Variants in PRH1 observed in about 807,000 individuals in gnomAD.
PRH1 encodes the protein salivary acidic proline-rich phosphoprotein 1/2.
Under a neutral mutation model 7.9 loss-of-function variants are expected in PRH1, and 7 were observed. The ratio of observed to expected loss-of-function variants is 0.89; its 90% confidence interval spans 0.50 to 1.67. PRH1 has a LOEUF of 1.67. Ranked by LOEUF, PRH1 falls within the 40% of genes most tolerant of loss-of-function variation. The pLI is 0.00. For missense variants in PRH1, 109 were observed against 223.6 expected (o/e 0.49, Z 3.27); for synonymous variants, 45 against 80.8 (o/e 0.56, Z 2.38).
intron 2 of PRH1, among the ~76,000 whole-genome samples, chr12:10,919,864 G>A (rs577992599): frequency 2.0e-3 from 300 of 149,934 alleles, no homozygotes; most frequent in African/African-American, 7.2e-3. Flanking sequence ...TTTGAGACAC[G>A]GTCTTGCTCT....
chr12:11,074,582 GTGCA>G (rs1365301992), intron 1 of PRH1, among the ~76,000 whole-genome samples: 2 of 91,762 alleles, frequency 2.2e-5, no homozygotes, highest in East Asian at 5.3e-4. Context: ...AAACAGTTTT[GTGCA>G]TTTCTAAAAA....
At chr12:10,944,336 G>T (rs1950451458) in intron 2 of PRH1, among the ~76,000 whole-genome samples, 1 of 151,924 alleles carries the variant, frequency 6.6e-6, no homozygotes, top group Non-Finnish European at 1.5e-5. Flanking sequence ...TGTGTGTGTG[G>T]CAATTGTGAA....
chr12:10,907,089 A>G (rs574010738), intron 2 of PRH1, among the ~76,000 whole-genome samples: 1 of 152,300 alleles, frequency 6.6e-6, no homozygotes, highest in Admixed American at 6.5e-5. Context: ...AAAACAGAGT[A>G]CCTACCAACT....
At chr12:11,019,858 C>T (rs1181007080) in intron 1 of PRH1, among the ~76,000 whole-genome samples, 1 of 152,288 alleles carries the variant, frequency 6.6e-6, no homozygotes, top group African/African-American at 2.4e-5. Flanking sequence ...GGGAAGTTCC[C>T]TAACATTCTT....
At chr12:10,932,477 C>A in intron 2 of PRH1, 1 of 181,022 alleles carries the variant, frequency 5.5e-6, no homozygotes, top group Non-Finnish European at 1.2e-5. Context: ...GGAAGGAGTT[C>A]CACTGTTTCT....
rs570687368 is a variant in PRH1, at chr12:10,909,752, GC to G, written c.-58-25478del. On this transcript the variant is annotated intron_variant, in intron 2 of 3. Coordinates refer to the PRH1 transcript ENST00000539853. ...TTCATAGAATATGTAGCTAAATGAA[GC>G]TTTTATGGCTAATAGCATAGCCAAT... Among the ~76,000 whole-genome samples the G allele has an allele frequency of 6.6e-5, 10 of 152,284 alleles. No individual in the cohort carries two copies. The South Asian group carries it at 1.7e-3, about 25-fold the overall frequency.
At chr12:11,048,639 G>A (rs1591888267), upstream of PRH1, 3 of 605,878 alleles carry the variant, frequency 5.0e-6, no homozygotes, top group East Asian at 1.1e-4. Context: ...GCATCTTCTT[G>A]ACATGTTTAC....
At chr12:11,139,764 G>C (rs888986059) in intron 1 of PRH1, among the ~76,000 whole-genome samples, 7 of 152,100 alleles carry the variant, frequency 4.6e-5, no homozygotes, top group Non-Finnish European at 1.0e-4. Context: ...TATGTATTCG[G>C]ATAAGAGTGT....
upstream of PRH1, among the ~76,000 whole-genome samples, chr12:10,887,227 T>C (rs1383733368): frequency 6.6e-6 from 1 of 152,198 alleles, no homozygotes; most frequent in African/African-American, 2.4e-5. Flanking sequence ...CCAGGAAAGA[T>C]GAACATTGAC....
In PRH1 at chr12:10,956,601, T is replaced by A. The variant is rs1937975152; in HGVS notation, c.-59+17054A>T. Among the ~76,000 whole-genome samples the A allele has an allele frequency of 2.0e-5, 3 of 152,060 alleles. No individual in the cohort carries two copies. The South Asian group carries it at 6.2e-4, about 31-fold the overall frequency. Reference sequence around the variant, plus strand: ...CAGGAAGAGAAATAAATAAAAGGCATCCCAATAGAAGAGAAGAAGTCAAAT... The same window carrying A: ...CAGGAAGAGAAATAAATAAAAGGCAACCCAATAGAAGAGAAGAAGTCAAAT... On this transcript the variant is annotated intron_variant, in intron 2 of 3. Coordinates refer to the PRH1 transcript ENST00000539853.
intron 2 of PRH1, chr12:10,909,387 GTTC>G (rs1396846634): frequency 1.4e-5 from 12 of 877,604 alleles, no homozygotes; most frequent in African/African-American, 6.8e-5. Flanking sequence ...GTCCAGTGGA[GTTC>G]TTCTTCCTTC....
chr12:11,110,815 A>T (rs1168622423), intron 1 of PRH1, among the ~76,000 whole-genome samples: 1 of 152,194 alleles, frequency 6.6e-6, no homozygotes, highest in Non-Finnish European at 1.5e-5. Flanking sequence ...TATTAACCTT[A>T]AATGTAAATG....
Position 11,066,767 on chromosome 12 carries a change from A to G in PRH1, n.124-19579T>C, listed in dbSNP as rs189332808. Among the ~76,000 whole-genome samples, 1,390 of 151,682 alleles carry G rather than the reference A, an allele frequency of 9.2e-3. 13 individuals are homozygous for G. The highest frequency in any genetic ancestry group is 0.014 in the Non-Finnish European group (927 of 67,800). ...TGAGAGAACCCTACTATTCTTCCTC[A>G]TGGCCTCATGTTTCTTCTATGATTC... On this transcript the variant is annotated intron_variant and non_coding_transcript_variant, in intron 1 of 4. Coordinates refer to the PRH1 transcript ENST00000541977.
At chr12:11,164,171 G>A (rs1421860528) in intron 1 of PRH1, among the ~76,000 whole-genome samples, 4 of 152,184 alleles carry the variant, frequency 2.6e-5, no homozygotes, top group African/African-American at 7.2e-5. Flanking sequence ...GTTTCTAGAA[G>A]AGATGAGCAT....
At chr12:10,998,726 C>T (rs1307092540) in intron 1 of PRH1, among the ~76,000 whole-genome samples, 1 of 152,076 alleles carries the variant, frequency 6.6e-6, no homozygotes, top group East Asian at 1.9e-4. Flanking sequence ...GGTAATGCTA[C>T]CTGCAAGCTT....
At chr12:11,125,521 C>CCTTAACAAAATTATCTTTCTA (rs1229468104) in intron 1 of PRH1, among the ~76,000 whole-genome samples, 1 of 152,256 alleles carries the variant, frequency 6.6e-6, no homozygotes, top group Non-Finnish European at 1.5e-5. Flanking sequence ...ATGTTTTATG[C>CCTTAACAAAATTATCTTTCTA]CTTAACAAAA....
exon 1 of PRH1, chr12:11,047,154 G>C (rs1942932561): frequency 2.3e-6 from 1 of 434,068 alleles, no homozygotes; most frequent in African/African-American, 2.0e-5. Context: ...CTTGTCACAT[G>C]TGCCCTTGGG....
In PRH1 at chr12:11,030,647, G is replaced by A. The variant is rs1942150453; in HGVS notation, c.-126+16373C>T. ...ACATAACAAGAGGAAAAAGATCACA[G>A]TTTGCAAAGCTTTTATGTGGACCTT... On this transcript the variant is annotated intron_variant, in intron 1 of 3. Coordinates refer to the PRH1 transcript ENST00000539853. 6.2e-7 allele frequency: 1 copy of A among 1,614,100 alleles called. No homozygotes were observed. The highest frequency in any genetic ancestry group is 1.3e-5 in the African/African-American group (1 of 74,934).
At chr12:10,888,798 G>A (rs1156845391), upstream of PRH1, among the ~76,000 whole-genome samples, 2 of 152,122 alleles carry the variant, frequency 1.3e-5, no homozygotes, top group Non-Finnish European at 2.9e-5. Context: ...ATCTAGTGGT[G>A]TACACTTTTT....
Sources: allele counts gnomAD v4.1 joint callset (sites outside exome capture counted in the v4.1 genomes callset), GRCh38; gene constraint gnomAD v4.1.1; transcripts MANE v1.5; gene names NCBI Gene and HGNC (gene_info 2026-07-23, HGNC 2026-07-21).